The following CREM variants were observed in gnomAD, a reference collection of about 807,000 sequenced individuals.
The protein encoded by CREM is cAMP responsive element modulator, also known as cAMP-responsive element modulator.
A neutral mutation model predicts 37.3 loss-of-function variants in CREM; 13 were observed. The ratio of observed to expected loss-of-function variants is 0.35; its 90% CI spans 0.23 to 0.55. CREM has a LOEUF of 0.55. Among genes scored for constraint, CREM ranks in the 20% least tolerant of loss-of-function variants. The pLI, the probability that CREM is intolerant of heterozygous loss-of-function variation, is 0.88. For synonymous variants in CREM, 124 were observed against 120.2 expected, an observed-to-expected ratio of 1.03 and a Z score of -0.21; for missense variants, 296 against 362.3, an observed-to-expected ratio of 0.82 and a Z score of 1.49.
chr10:35,135,107 G>A (rs1436875766), intron 1 of CREM, among the ~76,000 whole-genome samples: 1 of 151,876 alleles, frequency 6.6e-6, no homozygotes, highest in Non-Finnish European at 1.5e-5. Context: ...GCAACATACT[G>A]GTGAAAGTAA....
rs965482798 is a variant in CREM, at chr10:35,154,938, T to A, written c.168+6447T>A. The stretch of plus-strand genomic sequence containing the variant: ...ACTCATATTTTGATAATTTTGTATA[T>A]AATAGCTAGTATATTTCTTTAAAAG... On this transcript the variant is annotated intron_variant, in intron 3 of 7. Coordinates refer to ENST00000685392, the MANE Select transcript of CREM (RefSeq NM_183011.2). Among the ~76,000 whole-genome samples the A allele has an allele frequency of 2.6e-5, 4 of 152,188 alleles. No individual in the cohort carries two copies. In the South Asian group the frequency reaches 6.2e-4, roughly 24 times the overall value.
chr10:35,151,922 G>A (rs1347785546), intron 3 of CREM, among the ~76,000 whole-genome samples: 3 of 152,122 alleles, frequency 2.0e-5, no homozygotes, highest in Non-Finnish European at 2.9e-5. Context: ...TATGAGTATT[G>A]TTACTATCAT....
rs528100932 is a variant in CREM, at chr10:35,175,496, T to A, written c.169-3393T>A. On this transcript the variant is annotated intron_variant, in intron 3 of 7. Transcript: ENST00000685392. ...TCTATCTCCAATTTCTCTGAAGAAG[T>A]TAGAGGGTAGTTTATACTCTGGCCT... 7.1e-5 allele frequency: 42 copies of A among 592,916 alleles called. No individual in the cohort carries two copies. In the African/African-American group the frequency reaches 7.3e-4, roughly 10 times the overall value. The allele number at this position is 592,916 out of a possible 1,614,324, so 36.7% of individuals were successfully genotyped here. A position where few individuals can be genotyped will look rare whatever the true frequency, so the allele number is the denominator to read the frequency against.
chr10:35,190,288 A>G (rs939895783), intron 6 of CREM, among the ~76,000 whole-genome samples: 3 of 152,094 alleles, frequency 2.0e-5, no homozygotes, highest in African/African-American at 4.8e-5. Flanking sequence ...TTTCACATTT[A>G]TGTCTTTAAT....
intron 1 of CREM, among the ~76,000 whole-genome samples, chr10:35,131,938 G>A (rs1180010472): frequency 6.6e-6 from 1 of 152,132 alleles, no homozygotes; most frequent in Non-Finnish European, 1.5e-5. Flanking sequence ...CACATTGGCC[G>A]GGTGCGGTGG....
At chr10:35,132,073 C>T (rs1164566031) in intron 1 of CREM, among the ~76,000 whole-genome samples, 31 of 151,910 alleles carry the variant, frequency 2.0e-4, no homozygotes, top group Admixed American at 1.8e-3. Flanking sequence ...TGGTGGCTCG[C>T]GCGTGTAATC....
chr10:35,170,828 A>G (rs949018283), intron 3 of CREM, among the ~76,000 whole-genome samples: 14 of 152,128 alleles, frequency 9.2e-5, no homozygotes, highest in African/African-American at 2.7e-4. Context: ...TAACTCTACC[A>G]GTATAATTAT....
chr10:35,170,271 G>A (rs1168386130), intron 3 of CREM, among the ~76,000 whole-genome samples: 1 of 152,078 alleles, frequency 6.6e-6, no homozygotes. Context: ...GGCCGGATAA[G>A]CTTTTTGATG....
At chr10:35,164,870 T>G (rs893691972) in intron 3 of CREM, among the ~76,000 whole-genome samples, 6 of 151,750 alleles carry the variant, frequency 4.0e-5, no homozygotes, top group African/African-American at 1.5e-4. Context: ...GCCAACATGG[T>G]GAAACCCTGT....
chr10:35,191,321 T>C (rs1348426824), intron 6 of CREM, among the ~76,000 whole-genome samples: 1 of 152,208 alleles, frequency 6.6e-6, no homozygotes, highest in African/African-American at 2.4e-5. Flanking sequence ...CTCTAATTAC[T>C]TCTAATAATT....
chr10:35,145,776 C>CAAAAAAA (rs370248344), intron 2 of CREM, among the ~76,000 whole-genome samples: 10 of 85,226 alleles, frequency 1.2e-4, no homozygotes, highest in Non-Finnish European at 1.6e-4. Flanking sequence ...GACTCTGCCT[C>CAAAAAAA]AAAAAAAAAA....
At chr10:35,167,677 T>TA (rs768580073) in intron 3 of CREM, 8 of 1,577,672 alleles carry the variant, frequency 5.1e-6, no homozygotes, top group Non-Finnish European at 6.1e-6. Context: ...TGCATCATCT[T>TA]ACCTTATTTC....
intron 3 of CREM, among the ~76,000 whole-genome samples, chr10:35,172,066 A>G (rs962085956): frequency 9.2e-5 from 14 of 152,110 alleles, no homozygotes; most frequent in South Asian, 4.1e-4. Flanking sequence ...TCATGTCCCA[A>G]TTTCCTGAGC....
At chr10:35,201,419 A>AT (rs1485353220) in intron 6 of CREM, 18 of 1,550,764 alleles carry the variant, frequency 1.2e-5, no homozygotes, top group Non-Finnish European at 1.6e-5. Context: ...TATTGTGAGT[A>AT]TTAAATGAGA....
At chr10:35,175,853 G>C (rs2094037668) in intron 3 of CREM, 1 of 1,581,834 alleles carries the variant, frequency 6.3e-7, no homozygotes, top group South Asian at 1.1e-5. Flanking sequence ...ATTTTGGCAG[G>C]TTTCTGTGGC....
intron 3 of CREM, among the ~76,000 whole-genome samples, chr10:35,170,983 TATTTTAGCATTTTAATGAAAAA>T (rs1564869228): frequency 6.6e-6 from 1 of 152,110 alleles, no homozygotes; most frequent in Non-Finnish European, 1.5e-5. Context: ...TCTCAGCCTT[TATTTTAGCATTTTAATGAAAAA>T]ATTGTCTCAT....
intron 3 of CREM, among the ~76,000 whole-genome samples, chr10:35,163,986 A>C (rs924963529): frequency 5.3e-5 from 8 of 151,960 alleles, no homozygotes; most frequent in African/African-American, 1.5e-4. Context: ...AAAAAAAAAA[A>C]ACAAAAAAAG....
Position 35,137,778 on chromosome 10 carries a change from GC to G in CREM, c.-54-3del. Reference sequence around the variant, plus strand: ...CCCAATTCAACATTATAATTTTACTGCAGGATAAATAAAGAAAACAGGAAAG... The same window carrying G: ...CCCAATTCAACATTATAATTTTACTGAGGATAAATAAAGAAAACAGGAAAG... On this transcript the variant is annotated splice_polypyrimidine_tract_variant and splice_region_variant and intron_variant, in intron 1 of 7. Transcript: ENST00000685392. 1 of 1,351,042 alleles carries G rather than the reference GC, an allele frequency of 7.4e-7. No individual in the cohort carries two copies. The highest frequency in any genetic ancestry group is 2.5e-5 in the East Asian group (1 of 39,332). 83.7% of individuals were successfully genotyped at this position (1,351,042 alleles called of 1,614,324 possible). A position where few individuals can be genotyped will look rare whatever the true frequency, so the allele number is the denominator to read the frequency against.
intron 3 of CREM, among the ~76,000 whole-genome samples, chr10:35,178,121 C>T (rs1166891643): frequency 1.3e-5 from 2 of 152,122 alleles, no homozygotes; most frequent in Non-Finnish European, 2.9e-5. Flanking sequence ...AACTCTGCTA[C>T]CCTAGGCCCT....
Sources: allele counts gnomAD v4.1 joint callset (sites outside exome capture counted in the v4.1 genomes callset), GRCh38; gene constraint gnomAD v4.1.1; transcripts MANE v1.5; gene names NCBI Gene and HGNC (gene_info 2026-07-23, HGNC 2026-07-21).